TPTE: variants seen among roughly 807,000 people sequenced by gnomAD.
TPTE encodes transmembrane phosphatase with tensin homology.
TPTE carries 59 observed loss-of-function variants against 84.1 expected under a neutral mutation model. The ratio of observed to expected loss-of-function variants is 0.70; its 90% CI spans 0.57 to 0.87. The LOEUF is 0.87. TPTE is among the 40% of genes least tolerant of loss of function. The pLI, the probability that TPTE is intolerant of heterozygous loss-of-function variation, is 0.00. For missense variants in TPTE, 382 were observed against 659.6 expected (o/e 0.58, Z 4.61); for synonymous variants, 130 against 223.5 (o/e 0.58, Z 3.73).
chr21:10,568,609 A>G (rs539972321), intron 11 of TPTE, among the ~76,000 whole-genome samples: 8 of 152,398 alleles, frequency 5.2e-5, no homozygotes, highest in Admixed American at 1.3e-4. Flanking sequence ...TCAGGCCCCA[A>G]CTAAAAGCAT....
chr21:10,605,649 GTATT>G lies in TPTE; in HGVS notation c.*105_*108del, dbSNP rs1343127667. 5.8e-5 allele frequency: 91 copies of G among 1,573,544 alleles called. No individual in the cohort carries two copies. Among genetic ancestry groups the G allele is most frequent in the African/African-American group, 8.3e-5 (6 of 72,248 alleles). ...AAATCTATCCTAAATGTTCCTTGAAGTATTTATTTATGTTTATATATGTTTATAT... is the reference window on the plus strand; with the variant it reads ...AAATCTATCCTAAATGTTCCTTGAAGTATTTATGTTTATATATGTTTATAT... On this transcript the variant is annotated 3_prime_UTR_variant, in exon 24 of 24. Coordinates refer to ENST00000618007, the MANE Select transcript of TPTE (RefSeq NM_199261.4).
At chr21:10,551,202 C>A (rs1341000648) in intron 7 of TPTE, among the ~76,000 whole-genome samples, 6 of 151,988 alleles carry the variant, frequency 3.9e-5, no homozygotes. Flanking sequence ...CACCAAACAT[C>A]ACATGTTCTC....
At chr21:10,566,049 A>G (rs1302806725) in intron 10 of TPTE, among the ~76,000 whole-genome samples, 1 of 152,306 alleles carries the variant, frequency 6.6e-6, no homozygotes, top group African/African-American at 2.4e-5. Context: ...AGCAGAGGAA[A>G]CGATTAGCAA....
chr21:10,561,079 G>A lies in TPTE; in HGVS notation c.334G>A (p.Asp112Asn), dbSNP rs139396383. Residue 112 changes from aspartate (D) to asparagine (N), a missense_variant, in exon 10 of 24, where the codon GAC (aspartate) becomes AAC (asparagine). Physicochemically the swap from Asp to Asn is conservative, Grantham distance 23 (BLOSUM62 1). Coordinates refer to ENST00000618007, the MANE Select transcript of TPTE (RefSeq NM_199261.4). ...VLLDVTLILA[D>N]LIFTDSKLYI... ...ACTGGATGTCACTCTCATCCTTGCC[G>A]ACCTAATTTTCACTGACAGCAAACT... 1,712 of 1,609,738 alleles carry A rather than the reference G, an allele frequency of 1.1e-3. No individual in the cohort carries two copies. The East Asian group carries it at 0.016, about 15-fold the overall frequency.
rs1327818073 is a variant in TPTE, at chr21:10,535,784, G to A, written c.-43-2897G>A. ...ACCTTCTAGCGTTCTACCACCATGT[G>A]AGGCTGGTGCCCCAAACCCAAACCC... On this transcript the variant is annotated intron_variant, in intron 3 of 23. Coordinates refer to ENST00000618007, the MANE Select transcript of TPTE (RefSeq NM_199261.4). 1.1e-4 allele frequency among the ~76,000 whole-genome samples: 17 copies of A among 152,408 alleles called. No homozygotes were observed. The East Asian group carries it at 3.1e-3, about 28-fold the overall frequency.
At chr21:10,527,297 C>T (rs1474064053) in intron 2 of TPTE, 58 bp from the exon 3 acceptor site, 24 of 152,698 alleles carry the variant, frequency 1.6e-4, no homozygotes, top group African/African-American at 5.3e-4. Context: ...TTAACATCCT[C>T]ATTGCCTTCC....
intron 7 of TPTE, among the ~76,000 whole-genome samples, chr21:10,550,703 T>A (rs1340453119): frequency 6.6e-6 from 1 of 152,246 alleles, no homozygotes; most frequent in African/African-American, 2.4e-5. Context: ...AGACAGAAAA[T>A]CAACAAAGAA....
chr21:10,548,130 C>T (rs2074504354), intron 7 of TPTE, among the ~76,000 whole-genome samples: 1 of 152,304 alleles, frequency 6.6e-6, no homozygotes, highest in Admixed American at 6.5e-5. Context: ...GTGGGCCTTG[C>T]ACCTGTATCT....
At chr21:10,542,263 T>C in intron 5 of TPTE, 132 bp from the exon 6 acceptor site, 1 of 1,125,464 alleles carries the variant, frequency 8.9e-7, no homozygotes, top group Non-Finnish European at 1.3e-6. Flanking sequence ...CATTCCAGGT[T>C]CCAGTAGTAC....
chr21:10,537,597 G>A (rs1195499919), intron 3 of TPTE, among the ~76,000 whole-genome samples: 3 of 152,048 alleles, frequency 2.0e-5, no homozygotes, highest in African/African-American at 7.2e-5. Context: ...AGAATGGCGT[G>A]AACCCGGGAG....
intron 10 of TPTE, among the ~76,000 whole-genome samples, chr21:10,561,871 C>A (rs1431678460): frequency 6.6e-6 from 1 of 152,308 alleles, no homozygotes; most frequent in Non-Finnish European, 1.5e-5. Context: ...CTGTAGAGCC[C>A]CAGGGCCTTC....
chr21:10,526,006 G>A (rs1033106311), intron 2 of TPTE, among the ~76,000 whole-genome samples: 3,709 of 150,700 alleles, frequency 0.025, 1 homozygote, highest in Non-Finnish European at 0.038. Flanking sequence ...TAATAAGGCT[G>A]CTTATGTCAG....
At chr21:10,578,028 G>T (rs1377088003) in intron 15 of TPTE, among the ~76,000 whole-genome samples, 1 of 152,312 alleles carries the variant, frequency 6.6e-6, no homozygotes. Context: ...AAACATTTTG[G>T]TCAGCTACAT....
intron 17 of TPTE, among the ~76,000 whole-genome samples, chr21:10,585,322 G>T (rs652288): frequency 0.19 from 25,736 of 133,228 alleles, 20 homozygotes; most frequent in African/African-American, 0.46. Flanking sequence ...ATGAATGGAT[G>T]TTGAATTCTT....
chr21:10,579,354 G>A (rs1364237607), intron 17 of TPTE, among the ~76,000 whole-genome samples: 1 of 152,304 alleles, frequency 6.6e-6, no homozygotes, highest in South Asian at 2.1e-4. Flanking sequence ...GCCAGGTGTG[G>A]TGGCATGCAC....
intron 8 of TPTE, among the ~76,000 whole-genome samples, chr21:10,558,396 G>A (rs1461004651): frequency 6.6e-6 from 1 of 152,308 alleles, no homozygotes; most frequent in African/African-American, 2.4e-5. Context: ...CCTTTTCTCT[G>A]CAACCTTGCC....
chr21:10,525,375 C>T (rs145015640), intron 2 of TPTE, among the ~76,000 whole-genome samples: 179 of 152,344 alleles, frequency 1.2e-3, no homozygotes, highest in Non-Finnish European at 2.0e-3. Context: ...AAGGCTTGAT[C>T]CTCATATGGT....
At chr21:10,582,389 A>AT in intron 17 of TPTE, among the ~76,000 whole-genome samples, 1 of 152,310 alleles carries the variant, frequency 6.6e-6, no homozygotes, top group African/African-American at 2.4e-5. Context: ...TTGTAGCTTT[A>AT]TAATGTGGTT....
chr21:10,522,103 G>A (rs1219349529), intron 1 of TPTE, among the ~76,000 whole-genome samples: 3 of 152,150 alleles, frequency 2.0e-5, no homozygotes, highest in African/African-American at 7.2e-5. Flanking sequence ...TCCTGCGGAG[G>A]CTCCCGCGCC....
Sources: gnomAD v4.1 joint callset for allele counts (sites outside exome capture counted in the v4.1 genomes callset) on GRCh38, gnomAD v4.1.1 for gene constraint, MANE v1.5 for transcripts, NCBI Gene and HGNC (gene_info 2026-07-23, HGNC 2026-07-21) for gene names.